Variants in CLSTN2 observed in about 807,000 individuals in gnomAD.
The protein encoded by CLSTN2 is calsyntenin-2.
A neutral mutation model predicts 101.2 loss-of-function variants in CLSTN2; 48 were observed. The observed-to-expected ratio is 0.47, with a 90% confidence interval of 0.38 to 0.60. The LOEUF (loss-of-function observed/expected upper bound fraction) is 0.60. CLSTN2 is among the 20% of genes least tolerant of loss of function. The probability of loss-of-function intolerance (pLI) is 0.00; values close to 1 mark genes in which losing one functional copy is unlikely to be tolerated. For synonymous variants in CLSTN2, 481 were observed against 463.6 expected, an observed-to-expected ratio of 1.04 and a Z score of -0.48; for missense variants, 1,160 against 1,238.2, an observed-to-expected ratio of 0.94 and a Z score of 0.95.
chr3:140,269,175 T>C (rs55946470), intron 2 of CLSTN2, among the ~76,000 whole-genome samples: 3 of 152,182 alleles, frequency 2.0e-5, no homozygotes, highest in African/African-American at 7.2e-5. Flanking sequence ...AGATTTTCCA[T>C]GGATACAAGT....
chr3:140,307,471 A>T (rs2087125827), intron 2 of CLSTN2, among the ~76,000 whole-genome samples: 1 of 152,188 alleles, frequency 6.6e-6, no homozygotes, highest in South Asian at 2.1e-4. Flanking sequence ...ATTCTACACA[A>T]ACAAAAAAAA....
chr3:140,564,217 C>A, intron 16 of CLSTN2, 72 bp downstream of exon 16: 1 of 1,400,326 alleles, frequency 7.1e-7, no homozygotes, highest in Non-Finnish European at 1.0e-6. Context: ...CCTTCCTATG[C>A]CTAAAGCAGC....
chr3:140,546,487 G>T, intron 9 of CLSTN2, 28 bp from the exon 10 acceptor site: 1 of 1,609,966 alleles, frequency 6.2e-7, no homozygotes, highest in Non-Finnish European at 8.5e-7. Flanking sequence ...AGTCTTCACA[G>T]GGCAAATGAT....
At chr3:140,503,524 C>T (rs1336643394) in intron 8 of CLSTN2, among the ~76,000 whole-genome samples, 2 of 151,856 alleles carry the variant, frequency 1.3e-5, no homozygotes, top group South Asian at 2.1e-4. Flanking sequence ...CTATGATGTT[C>T]GACAATGAAG....
At chr3:140,243,932 A>C (rs1182578651) in intron 2 of CLSTN2, among the ~76,000 whole-genome samples, 2 of 152,208 alleles carry the variant, frequency 1.3e-5, no homozygotes, top group Non-Finnish European at 2.9e-5. Context: ...CAGGCCTGGT[A>C]AAACACAGAG....
chr3:140,443,078 G>T (rs575294523), intron 5 of CLSTN2, among the ~76,000 whole-genome samples: 10 of 152,148 alleles, frequency 6.6e-5, no homozygotes, highest in African/African-American at 2.4e-4. Flanking sequence ...CTGTTCTGGG[G>T]TACCCCATTC....
chr3:140,012,970 C>A (rs985666406), intron 1 of CLSTN2, among the ~76,000 whole-genome samples: 9 of 151,746 alleles, frequency 5.9e-5, no homozygotes, highest in African/African-American at 1.2e-4. Context: ...TGGATGATAG[C>A]AGCTTTAGGG....
intron 5 of CLSTN2, among the ~76,000 whole-genome samples, chr3:140,422,189 TTCTCTCTCTCTC>T (rs3035957): frequency 1.2e-4 from 18 of 148,612 alleles, no homozygotes; most frequent in Admixed American, 2.0e-4. Flanking sequence ...CTCTCTTTCT[TTCTCTCTCTCTC>T]TCTCTCTCTC....
rs60464575 is a variant in CLSTN2 at position 140,163,419 on chromosome 3, T to TACACACACACACACACACACACAC, written c.110-12524_110-12501dup. Among the ~76,000 whole-genome samples, 816 of 145,062 alleles carry TACACACACACACACACACACACAC rather than the reference T, an allele frequency of 5.6e-3. 10 individuals carry two copies. Among genetic ancestry groups the TACACACACACACACACACACACAC allele is most frequent in the African/African-American group, 0.018 (729 of 39,634 alleles). On this transcript the variant is annotated intron_variant, in intron 1 of 16. Transcript: ENST00000458420. Reference sequence around the variant, plus strand: ...TCAATTCTTTAAAATTTTCTATCTCTACACACACACACACACACACACACA... The same window carrying TACACACACACACACACACACACAC: ...TCAATTCTTTAAAATTTTCTATCTCTACACACACACACACACACACACACACACACACACACACACACACACACA...
chr3:139,999,973 C>A (rs1330858420), intron 1 of CLSTN2, among the ~76,000 whole-genome samples: 3 of 150,700 alleles, frequency 2.0e-5, no homozygotes, highest in Non-Finnish European at 4.4e-5. Flanking sequence ...AAAAAAATTA[C>A]ATGTATAGAA....
intron 8 of CLSTN2, among the ~76,000 whole-genome samples, chr3:140,523,992 T>A (rs1935087456): frequency 6.6e-6 from 1 of 152,076 alleles, no homozygotes; most frequent in Non-Finnish European, 1.5e-5. Flanking sequence ...CAACTCTCCC[T>A]CTCTAGTGGG....
chr3:140,134,596 T>C (rs2009571745), intron 1 of CLSTN2, among the ~76,000 whole-genome samples: 1 of 152,204 alleles, frequency 6.6e-6, no homozygotes, highest in Non-Finnish European at 1.5e-5. Flanking sequence ...ATCTGGCCTC[T>C]TTGGACATAG....
intron 1 of CLSTN2, among the ~76,000 whole-genome samples, chr3:139,991,932 GA>G (rs1283282372): frequency 6.6e-6 from 1 of 152,192 alleles, no homozygotes; most frequent in East Asian, 1.9e-4. Flanking sequence ...GTCTAATAAG[GA>G]GAGGGATTTA....
At chr3:140,350,063 T>C (rs2087588963) in intron 2 of CLSTN2, among the ~76,000 whole-genome samples, 1 of 152,238 alleles carries the variant, frequency 6.6e-6, no homozygotes, top group African/African-American at 2.4e-5. Context: ...TGAGGGTTAA[T>C]GAACCTCTTT....
chr3:140,161,734 T>G (rs757327832), intron 1 of CLSTN2, among the ~76,000 whole-genome samples: 5 of 151,824 alleles, frequency 3.3e-5, no homozygotes, highest in Admixed American at 3.3e-4. Context: ...CCCCTTACAC[T>G]CACACTCTTT....
chr3:140,555,217 A>G (rs1294459275), intron 10 of CLSTN2, among the ~76,000 whole-genome samples: 7 of 152,244 alleles, frequency 4.6e-5, no homozygotes. Context: ...TCCATAGCGT[A>G]TGAATCAAAC....
intron 1 of CLSTN2, among the ~76,000 whole-genome samples, chr3:140,129,149 A>G (rs1377619163): frequency 1.4e-5 from 2 of 140,718 alleles, no homozygotes; most frequent in African/African-American, 5.3e-5. Flanking sequence ...TGTTTATCAA[A>G]TTGATTTGAT....
chr3:140,407,273 G>A (rs2088314595), intron 4 of CLSTN2, among the ~76,000 whole-genome samples: 2 of 152,186 alleles, frequency 1.3e-5, no homozygotes, highest in Admixed American at 1.3e-4. Flanking sequence ...TGCTCATTGA[G>A]GCCTAGGTTT....
intron 1 of CLSTN2, among the ~76,000 whole-genome samples, chr3:139,946,806 A>C (rs1225665080): frequency 6.6e-6 from 1 of 152,194 alleles, no homozygotes; most frequent in Non-Finnish European, 1.5e-5. Flanking sequence ...ATCTTTTATG[A>C]GGCCATGCCT....
Sources: gnomAD v4.1 joint callset for allele counts (sites outside exome capture counted in the v4.1 genomes callset) on GRCh38, gnomAD v4.1.1 for gene constraint, MANE v1.5 for transcripts, NCBI Gene and HGNC (gene_info 2026-07-23, HGNC 2026-07-21) for gene names.